PCDH9: variants seen among roughly 807,000 people sequenced by gnomAD.
PCDH9 encodes protocadherin 9.
In PCDH9, 24 loss-of-function variants were observed where a neutral mutation model predicts 70.6. The ratio of observed to expected loss-of-function variants is 0.34; its 90% CI spans 0.25 to 0.48. PCDH9 has a LOEUF of 0.48. PCDH9 is among the 20% of genes least tolerant of loss of function. The probability of loss-of-function intolerance (pLI) is 0.99; values close to 1 mark genes in which losing one functional copy is unlikely to be tolerated. For missense variants in PCDH9, 1,281 were observed against 1,503.6 expected, an observed-to-expected ratio of 0.85 and a Z score of 2.45; for synonymous variants, 562 against 558.5, an observed-to-expected ratio of 1.01 and a Z score of -0.09.
At chr13:66,572,814 C>T (rs2076751829) in intron 4 of PCDH9, among the ~76,000 whole-genome samples, 1 of 151,970 alleles carries the variant, frequency 6.6e-6, no homozygotes, top group South Asian at 2.1e-4. Flanking sequence ...GGCTGGAGTG[C>T]AGCGGCATGA....
chr13:66,809,168 T>C (rs180875865), intron 3 of PCDH9, among the ~76,000 whole-genome samples: 1 of 152,278 alleles, frequency 6.6e-6, no homozygotes, highest in Admixed American at 6.5e-5. Context: ...CAGGATGGTC[T>C]TGATCTCCTG....
chr13:66,826,913 A>G (rs1024206552), intron 3 of PCDH9, among the ~76,000 whole-genome samples: 9 of 152,192 alleles, frequency 5.9e-5, no homozygotes, highest in Non-Finnish European at 1.3e-4. Flanking sequence ...GTGCTAAATT[A>G]AATAATGACT....
chr13:66,956,102 AC>A (rs1319869654), intron 2 of PCDH9, among the ~76,000 whole-genome samples: 1 of 151,978 alleles, frequency 6.6e-6, no homozygotes, highest in Admixed American at 6.6e-5. Context: ...ATAAAAACAA[AC>A]AAAAACAGAG....
chr13:66,816,039 C>A (rs552045993), intron 3 of PCDH9, among the ~76,000 whole-genome samples: 2 of 152,294 alleles, frequency 1.3e-5, no homozygotes, highest in South Asian at 4.1e-4. Flanking sequence ...CTCTCTAATA[C>A]AAATGCAGTT....
chr13:67,096,471 A>T (rs181802638), intron 2 of PCDH9, among the ~76,000 whole-genome samples: 7 of 152,176 alleles, frequency 4.6e-5, no homozygotes, highest in Non-Finnish European at 1.0e-4. Context: ...CTTCCTCTAG[A>T]TAATCTCCCC....
intron 4 of PCDH9, among the ~76,000 whole-genome samples, chr13:66,415,885 G>C (rs1417716623): frequency 6.6e-6 from 1 of 152,032 alleles, no homozygotes; most frequent in Non-Finnish European, 1.5e-5. Flanking sequence ...TAATTCATAA[G>C]CAGTCACATA....
chr13:67,101,049 G>C (rs1233806996), intron 2 of PCDH9, among the ~76,000 whole-genome samples: 2 of 152,190 alleles, frequency 1.3e-5, no homozygotes, highest in Non-Finnish European at 2.9e-5. Context: ...TTCAGCAGCA[G>C]AAGGCAGAAT....
At chr13:67,112,006 G>A (rs762226855) in intron 2 of PCDH9, among the ~76,000 whole-genome samples, 2 of 152,082 alleles carry the variant, frequency 1.3e-5, no homozygotes. Context: ...ATCAGTAAGC[G>A]CATTAGATTT....
In PCDH9 at chr13:66,726,850, G is replaced by T. The variant is rs188511011; in HGVS notation, c.3139-95439C>A. Among the ~76,000 whole-genome samples the T allele has an allele frequency of 2.6e-5, 4 of 152,278 alleles. No homozygotes were observed. The East Asian group carries it at 7.7e-4, about 29-fold the overall frequency. On this transcript the variant is annotated intron_variant, in intron 3 of 4. Coordinates refer to ENST00000377865, the MANE Select transcript of PCDH9 (RefSeq NM_203487.3). ...GCCATTCTGGCTTTGAAAGACTGCTGATTATCTCAAATATTTTCATATTCA... is the reference window on the plus strand; with the variant it reads ...GCCATTCTGGCTTTGAAAGACTGCTTATTATCTCAAATATTTTCATATTCA...
rs1373923089 is a variant in PCDH9 at position 67,010,555 on chromosome 13, T to C, written c.3037-106950A>G. ...AGACTGATACATGCCAGCTAACAGA[T>C]TTTGATGATGGCTATTATTTGATGA... On this transcript the variant is annotated intron_variant, in intron 2 of 4. Coordinates refer to ENST00000377865, the MANE Select transcript of PCDH9 (RefSeq NM_203487.3). Among the ~76,000 whole-genome samples, 3 of 151,976 alleles carry C rather than the reference T, an allele frequency of 2.0e-5. No individual in the cohort carries two copies. In the East Asian group the frequency reaches 5.8e-4, roughly 29 times the overall value.
chr13:66,353,945 G>A (rs374133239), intron 4 of PCDH9, among the ~76,000 whole-genome samples: 3 of 152,120 alleles, frequency 2.0e-5, no homozygotes, highest in East Asian at 3.9e-4. Flanking sequence ...GAAAACAACC[G>A]GTAAGAAGGA....
At chr13:66,657,271 G>A (rs1483369731) in intron 3 of PCDH9, among the ~76,000 whole-genome samples, 1 of 152,152 alleles carries the variant, frequency 6.6e-6, no homozygotes, top group Non-Finnish European at 1.5e-5. Context: ...CTCTCCTACT[G>A]TAAACATGTC....
chr13:66,855,561 C>T (rs2081381220), intron 3 of PCDH9, among the ~76,000 whole-genome samples: 1 of 151,856 alleles, frequency 6.6e-6, no homozygotes, highest in Admixed American at 6.6e-5. Flanking sequence ...TGACAAAGTA[C>T]TGAAATAGTG....
chr13:66,801,519 A>G (rs752830327), intron 3 of PCDH9, among the ~76,000 whole-genome samples: 1 of 152,134 alleles, frequency 6.6e-6, no homozygotes, highest in Non-Finnish European at 1.5e-5. Context: ...TTCATTGAAT[A>G]TTAATGAATT....
intron 3 of PCDH9, among the ~76,000 whole-genome samples, chr13:66,751,756 G>T (rs908751482): frequency 1.3e-5 from 2 of 152,112 alleles, no homozygotes; most frequent in African/African-American, 4.8e-5. Flanking sequence ...TTTAATTTTG[G>T]TTAATTTTTA....
intron 3 of PCDH9, among the ~76,000 whole-genome samples, chr13:66,877,505 A>G (rs1384456852): frequency 2.6e-5 from 4 of 152,110 alleles, no homozygotes; most frequent in African/African-American, 7.2e-5. Flanking sequence ...ATGAGCTTAC[A>G]TAAGCCTTGG....
intron 3 of PCDH9, among the ~76,000 whole-genome samples, chr13:66,833,969 C>T (rs1414743764): frequency 1.3e-5 from 2 of 152,032 alleles, no homozygotes; most frequent in Non-Finnish European, 2.9e-5. Context: ...ATTGAAACTG[C>T]TACCAAAATA....
chr13:67,057,075 A>G (rs1398486320), intron 2 of PCDH9, among the ~76,000 whole-genome samples: 2 of 152,080 alleles, frequency 1.3e-5, no homozygotes, highest in Non-Finnish European at 2.9e-5. Context: ...TTGTCTTTTT[A>G]CCATTTCTGG....
rs1368866819 is a variant in PCDH9 at position 66,865,945 on chromosome 13, G to C, written c.3138+37559C>G. ...GCTATCCTTAAATTTCGTTGTATCA[G>C]GTTCATTCGTTTACCACACATTTTC... On this transcript the variant is annotated intron_variant, in intron 3 of 4. Coordinates refer to ENST00000377865, the MANE Select transcript of PCDH9 (RefSeq NM_203487.3). Among the ~76,000 whole-genome samples, 4 of 152,172 alleles carry C rather than the reference G, an allele frequency of 2.6e-5. No homozygotes were observed. In the South Asian group the frequency reaches 8.3e-4, roughly 32 times the overall value.
Sources: gnomAD v4.1 joint callset for allele counts (sites outside exome capture counted in the v4.1 genomes callset) on GRCh38, gnomAD v4.1.1 for gene constraint, MANE v1.5 for transcripts, NCBI Gene and HGNC (gene_info 2026-07-23, HGNC 2026-07-21) for gene names.